Variants in TP63 observed in about 807,000 individuals in gnomAD.
The protein encoded by TP63 is tumor protein p63, also known as tumor protein 63.
A neutral mutation model predicts 82.8 loss-of-function variants in TP63; 17 were observed. The ratio of observed to expected loss-of-function variants is 0.21; its 90% CI spans 0.14 to 0.31. The LOEUF (loss-of-function observed/expected upper bound fraction) is 0.31, where lower values mean the gene tolerates loss of function less well. TP63 is among the 10% of genes least tolerant of loss of function. The pLI, the probability that TP63 is intolerant of heterozygous loss-of-function variation, is 1.00. For missense variants in TP63, 648 were observed against 895.3 expected, an observed-to-expected ratio of 0.72 and a Z score of 3.52; for synonymous variants, 330 against 321.7, an observed-to-expected ratio of 1.03 and a Z score of -0.28.
chr3:189,769,488 C>T (rs1030410538), intron 3 of TP63, among the ~76,000 whole-genome samples: 2 of 152,144 alleles, frequency 1.3e-5, no homozygotes, highest in African/African-American at 4.8e-5. Flanking sequence ...ATTGTGTATC[C>T]ACTGGATGTA....
At chr3:189,887,666 C>T (rs761145694) in intron 11 of TP63, among the ~76,000 whole-genome samples, 5 of 152,138 alleles carry the variant, frequency 3.3e-5, no homozygotes, top group Non-Finnish European at 7.4e-5. Context: ...ATACAGAAGA[C>T]TGAACATTGC....
chr3:189,696,766 G>A (rs1717410549), intron 1 of TP63, among the ~76,000 whole-genome samples: 1 of 151,928 alleles, frequency 6.6e-6, no homozygotes, highest in African/African-American at 2.4e-5. Context: ...ATGTCTCATT[G>A]TTTTACTTTT....
the TP63 span, among the ~76,000 whole-genome samples, chr3:189,615,962 T>TCTGGCACTATTAG: frequency 6.6e-6 from 1 of 152,196 alleles, no homozygotes; most frequent in South Asian, 2.1e-4. Context: ...TAAGACCCGA[T>TCTGGCACTATTAG]CTGGCACTAT....
At chr3:189,668,449 T>C (rs1263273752) in intron 1 of TP63, among the ~76,000 whole-genome samples, 4 of 151,952 alleles carry the variant, frequency 2.6e-5, no homozygotes, top group Non-Finnish European at 5.9e-5. Context: ...ATGAAAAATA[T>C]AAAAGCAAAT....
intron 3 of TP63, among the ~76,000 whole-genome samples, chr3:189,797,492 G>A (rs968834013): frequency 1.1e-4 from 16 of 152,052 alleles, no homozygotes; most frequent in Non-Finnish European, 1.8e-4. Flanking sequence ...CAGAGACAAT[G>A]GGGAATATGC....
chr3:189,784,603 T>C (rs1560181138), intron 3 of TP63, among the ~76,000 whole-genome samples: 1 of 152,136 alleles, frequency 6.6e-6, no homozygotes, highest in Non-Finnish European at 1.5e-5. Context: ...AAATTCTGTC[T>C]ACCATTTTAT....
chr3:189,698,454 G>A (rs1440460469), intron 1 of TP63, among the ~76,000 whole-genome samples: 1 of 151,856 alleles, frequency 6.6e-6, no homozygotes, highest in Non-Finnish European at 1.5e-5. Context: ...CTTTATTTAA[G>A]GCAAGCTATG....
chr3:189,631,503 A>G lies in TP63; in HGVS notation c.-13A>G. On this transcript the variant is annotated 5_prime_UTR_variant, in exon 1 of 14. Transcript: ENST00000264731. ...TGTTCTCCGTTCGTTGATATCAAAG[A>G]CAGTTGAAGGAAATGAATTTTGAAA... 1.2e-6 allele frequency: 2 copies of G among 1,612,550 alleles called. No individual in the cohort carries two copies. Among genetic ancestry groups the G allele is most frequent in the East Asian group, 2.2e-5 (1 of 44,834 alleles).
the TP63 span, among the ~76,000 whole-genome samples, chr3:189,617,210 A>T: frequency 6.6e-6 from 1 of 152,250 alleles, no homozygotes; most frequent in Non-Finnish European, 1.5e-5. Context: ...CTGCCTGATC[A>T]GCATGATCTT....
rs1365050747 is a variant in TP63, at chr3:189,866,530, C to G, written c.767-152C>G. ...ACACCTTCATGTATTTGATATCTGG[C>G]TATGGGATCTGTTCGTTTCTTCAAG... On this transcript the variant is annotated intron_variant, in intron 5 of 13. Transcript: ENST00000264731. 12 of 689,248 alleles carry G rather than the reference C, an allele frequency of 1.7e-5. No individual in the cohort carries two copies. In the East Asian group the frequency reaches 3.3e-4, roughly 19 times the overall value. 42.7% of individuals were successfully genotyped at this position (689,248 alleles called of 1,614,324 possible).
chr3:189,662,371 A>G (rs983733915), intron 1 of TP63, among the ~76,000 whole-genome samples: 5 of 151,980 alleles, frequency 3.3e-5, no homozygotes, highest in Non-Finnish European at 5.9e-5. Flanking sequence ...TAAATTGCCT[A>G]GTTTTGAGAG....
intron 1 of TP63, among the ~76,000 whole-genome samples, chr3:189,699,633 T>C (rs1396843357): frequency 6.6e-6 from 1 of 152,104 alleles, no homozygotes; most frequent in East Asian, 1.9e-4. Context: ...TTAACATAGG[T>C]TAATATCTGG....
chr3:189,694,951 G>A (rs940673233), intron 1 of TP63, among the ~76,000 whole-genome samples: 3 of 151,106 alleles, frequency 2.0e-5, no homozygotes, highest in East Asian at 2.0e-4. Context: ...GATTACACAC[G>A]CCCGCCACCA....
chr3:189,778,398 C>G (rs1425561297), intron 3 of TP63, among the ~76,000 whole-genome samples: 1 of 152,102 alleles, frequency 6.6e-6, no homozygotes, highest in East Asian at 1.9e-4. Flanking sequence ...TTACTTTAGC[C>G]TTCATTTTTT....
intron 1 of TP63, among the ~76,000 whole-genome samples, chr3:189,736,774 T>C (rs756633407): frequency 1.5e-5 from 2 of 134,060 alleles, no homozygotes; most frequent in Non-Finnish European, 3.3e-5. Context: ...AGAACACATA[T>C]TTGAAATTTT....
chr3:189,654,965 A>C (rs1181095368), intron 1 of TP63, among the ~76,000 whole-genome samples: 1 of 152,176 alleles, frequency 6.6e-6, no homozygotes, highest in Admixed American at 6.5e-5. Context: ...TGGAAATATC[A>C]CGGAACAGTT....
At position 189,839,570 on chromosome 3, in the gene TP63, G is replaced by A. The variant is rs550274005; in HGVS notation, c.580-24662G>A. Among the ~76,000 whole-genome samples, 10 of 151,976 alleles carry A rather than the reference G, an allele frequency of 6.6e-5. 1 individual carries two copies. The highest frequency in any genetic ancestry group is 2.1e-4 in the South Asian group (1 of 4,796). ...CACCCCAAAACGTATCTTCTTATACGGTAATATTAACTAGTACCTTAGTCA... is the reference window on the plus strand; with the variant it reads ...CACCCCAAAACGTATCTTCTTATACAGTAATATTAACTAGTACCTTAGTCA... On this transcript the variant is annotated intron_variant, in intron 4 of 13. Coordinates refer to ENST00000264731, the MANE Select transcript of TP63 (RefSeq NM_003722.5).
At chr3:189,827,763 A>T (rs1276286360) in intron 4 of TP63, among the ~76,000 whole-genome samples, 1 of 152,162 alleles carries the variant, frequency 6.6e-6, no homozygotes, top group Non-Finnish European at 1.5e-5. Flanking sequence ...CCAGATTGAG[A>T]TGGGCTGTGA....
intron 12 of TP63, 49 bp downstream of exon 12, chr3:189,889,533 A>G (rs1459612239): frequency 6.2e-7 from 1 of 1,613,226 alleles, no homozygotes; most frequent in East Asian, 2.2e-5. Context: ...GCATCCCGGG[A>G]TGGTGGAGGG....
Sources: allele counts gnomAD v4.1 joint callset (sites outside exome capture counted in the v4.1 genomes callset), GRCh38; gene constraint gnomAD v4.1.1; transcripts MANE v1.5; gene names NCBI Gene and HGNC (gene_info 2026-07-23, HGNC 2026-07-21).